STPG2: variants seen among roughly 807,000 people sequenced by gnomAD.
STPG2 encodes sperm tail PG-rich repeat containing 2.
Under a neutral mutation model 54.2 loss-of-function variants are expected in STPG2, and 56 were observed. The observed-to-expected ratio is 1.03, with a 90% CI of 0.83 to 1.29. STPG2 has a LOEUF of 1.29. STPG2 is among the 50% of genes most tolerant of loss of function. The pLI, the probability that STPG2 is intolerant of heterozygous loss-of-function variation, is 0.00. For missense variants in STPG2, 596 were observed against 544.9 expected (o/e 1.09, Z -0.93); for synonymous variants, 200 against 181.8 (o/e 1.10, Z -0.81).
chr4:97,543,151 A>T (rs1731758665), intron 4 of STPG2, among the ~76,000 whole-genome samples: 1 of 151,072 alleles, frequency 6.6e-6, no homozygotes, highest in Non-Finnish European at 1.5e-5. Context: ...ATAATAATAA[A>T]AAAATAAAGA....
chr4:97,601,694 C>G (rs1270975529), intron 10 of STPG2, among the ~76,000 whole-genome samples: 1 of 151,864 alleles, frequency 6.6e-6, no homozygotes, highest in Non-Finnish European at 1.5e-5. Context: ...TTCCATAGGT[C>G]TGATATCTCA....
chr4:98,091,053 T>C (rs1029725054), intron 5 of STPG2, among the ~76,000 whole-genome samples: 1 of 151,920 alleles, frequency 6.6e-6, no homozygotes, highest in African/African-American at 2.4e-5. Context: ...ATTTACCTAG[T>C]ATTCTAAGCA....
intron 4 of STPG2, among the ~76,000 whole-genome samples, chr4:97,536,406 C>T (rs1390143242): frequency 6.6e-6 from 1 of 152,150 alleles, no homozygotes; most frequent in African/African-American, 2.4e-5. Context: ...TTAAAAGTGA[C>T]AAATTCCCCT....
chr4:97,672,444 C>T (rs1722729733), intron 10 of STPG2, among the ~76,000 whole-genome samples: 1 of 152,176 alleles, frequency 6.6e-6, no homozygotes, highest in African/African-American at 2.4e-5. Flanking sequence ...TCCCAAAGTA[C>T]TGGGATTACA....
intron 8 of STPG2, among the ~76,000 whole-genome samples, chr4:97,867,643 A>G (rs1236256263): frequency 1.3e-5 from 2 of 151,996 alleles, no homozygotes; most frequent in African/African-American, 4.8e-5. Context: ...ACAGGAATTT[A>G]TTTTTATCAC....
chr4:97,771,513 C>T (rs1726220496), intron 9 of STPG2, among the ~76,000 whole-genome samples: 1 of 152,080 alleles, frequency 6.6e-6, no homozygotes, highest in Non-Finnish European at 1.5e-5. Context: ...AGGAAGCATC[C>T]TTTTGGAGTA....
At chr4:97,824,260 A>G (rs1055110225) in intron 9 of STPG2, among the ~76,000 whole-genome samples, 3 of 152,096 alleles carry the variant, frequency 2.0e-5, no homozygotes, top group African/African-American at 7.2e-5. Flanking sequence ...TCCCCATCCC[A>G]TTGCAGGCAA....
chr4:97,843,097 G>A (rs1027008320), intron 8 of STPG2, among the ~76,000 whole-genome samples: 2 of 151,674 alleles, frequency 1.3e-5, no homozygotes, highest in African/African-American at 2.4e-5. Context: ...ATTTGTTGGC[G>A]ATTCTTTATA....
chr4:97,608,652 T>C (rs1733653732), intron 10 of STPG2, among the ~76,000 whole-genome samples: 1 of 151,914 alleles, frequency 6.6e-6, no homozygotes, highest in Admixed American at 6.6e-5. Flanking sequence ...CTTTAAGGAG[T>C]CTGTTTTTCA....
intron 4 of STPG2, among the ~76,000 whole-genome samples, chr4:97,541,639 C>T (rs1731708347): frequency 6.6e-6 from 1 of 152,076 alleles, no homozygotes; most frequent in Admixed American, 6.5e-5. Context: ...TTATATGGAA[C>T]CAAAAAAGAG....
chr4:98,098,554 T>C (rs1177089633), intron 5 of STPG2, among the ~76,000 whole-genome samples: 2 of 152,148 alleles, frequency 1.3e-5, no homozygotes, highest in African/African-American at 4.8e-5. Context: ...TCCAGGACAT[T>C]GGACTGGGCA....
chr4:97,594,360 G>T (rs1005484923), intron 10 of STPG2, among the ~76,000 whole-genome samples: 2 of 152,156 alleles, frequency 1.3e-5, no homozygotes, highest in Non-Finnish European at 2.9e-5. Context: ...AATATAATCC[G>T]AAGTATTAAC....
At chr4:97,980,457 A>G (rs1734635682) in intron 6 of STPG2, among the ~76,000 whole-genome samples, 2 of 152,088 alleles carry the variant, frequency 1.3e-5, no homozygotes, top group South Asian at 4.1e-4. Context: ...ATATCCTGGG[A>G]GTTCTGTGGC....
At chr4:97,911,662 G>C (rs895056364) in intron 8 of STPG2, among the ~76,000 whole-genome samples, 1 of 152,180 alleles carries the variant, frequency 6.6e-6, no homozygotes, top group Non-Finnish European at 1.5e-5. Context: ...ACTCTAGCAA[G>C]GGTTTTACCA....
At chr4:97,509,455 C>G (rs1730924933) in intron 4 of STPG2, among the ~76,000 whole-genome samples, 1 of 151,862 alleles carries the variant, frequency 6.6e-6, no homozygotes, top group East Asian at 1.9e-4. Flanking sequence ...TAACATAAAC[C>G]ATAAAGAACA....
chr4:98,045,696 T>TA (rs1296830638), intron 5 of STPG2, among the ~76,000 whole-genome samples: 1 of 152,098 alleles, frequency 6.6e-6, no homozygotes, highest in African/African-American at 2.4e-5. Flanking sequence ...AGATTTTTGC[T>TA]AAAAAATATT....
At chr4:98,130,921 CA>C (rs34206321) in intron 2 of STPG2, among the ~76,000 whole-genome samples, 186 of 41,546 alleles carry the variant, frequency 4.5e-3, no homozygotes, top group Middle Eastern at 0.031. Context: ...GACTCCGTCT[CA>C]AAAAAAAAAA....
intron 1 of STPG2, among the ~76,000 whole-genome samples, chr4:98,139,212 G>T (rs764190360): frequency 6.6e-6 from 1 of 152,056 alleles, no homozygotes; most frequent in Non-Finnish European, 1.5e-5. Flanking sequence ...TGATCAAATG[G>T]CCTACAGCCA....
chr4:97,590,347 G>C (rs1733105360), intron 10 of STPG2, among the ~76,000 whole-genome samples: 1 of 151,958 alleles, frequency 6.6e-6, no homozygotes, highest in Non-Finnish European at 1.5e-5. Flanking sequence ...GTCTCGGTCA[G>C]CAGCAAGACA....
Sources: gnomAD v4.1 joint callset for allele counts (sites outside exome capture counted in the v4.1 genomes callset) on GRCh38, gnomAD v4.1.1 for gene constraint, MANE v1.5 for transcripts, NCBI Gene and HGNC (gene_info 2026-07-23, HGNC 2026-07-21) for gene names.